Variants in HS3ST4 observed in about 807,000 individuals in gnomAD.
HS3ST4 encodes the protein heparan sulfate-glucosamine 3-sulfotransferase 4.
In HS3ST4, 17 loss-of-function variants were observed where a neutral mutation model predicts 29.2. That is an observed-to-expected ratio of 0.58 (90% CI 0.40 to 0.87). The LOEUF (loss-of-function observed/expected upper bound fraction) is 0.87, where lower values mean the gene tolerates loss of function less well. Among genes scored for constraint, HS3ST4 ranks in the 40% least tolerant of loss-of-function variants. The pLI is 0.00. For missense variants in HS3ST4, 627 were observed against 634.5 expected (o/e 0.99, Z 0.13); for synonymous variants, 314 against 285.7 (o/e 1.10, Z -1.00).
In HS3ST4 at chr16:25,823,671, G is replaced by T. The variant is rs573822057; in HGVS notation, c.734+130520G>T. 3.3e-5 allele frequency among the ~76,000 whole-genome samples: 5 copies of T among 151,992 alleles called. No individual in the cohort carries two copies. In the East Asian group the frequency reaches 5.8e-4, roughly 18 times the overall value. On this transcript the variant is annotated intron_variant, in intron 1 of 1. Coordinates refer to ENST00000331351, the MANE Select transcript of HS3ST4 (RefSeq NM_006040.3). ...CACCTCCCAGGTTCAAGCGATTCTC[G>T]TGCCTCAGCCTCCTGAATACCTGGG...
chr16:25,856,949 G>A (rs1245914056), intron 1 of HS3ST4, among the ~76,000 whole-genome samples: 1 of 152,150 alleles, frequency 6.6e-6, no homozygotes, highest in Non-Finnish European at 1.5e-5. Flanking sequence ...GGGTGGGCAG[G>A]AATGTGGGTA....
At chr16:25,717,843 G>T (rs114036907) in intron 1 of HS3ST4, among the ~76,000 whole-genome samples, 182 of 152,240 alleles carry the variant, frequency 1.2e-3, no homozygotes, top group African/African-American at 4.2e-3. Context: ...GTGGGCAATG[G>T]ATAGGAGGGA....
chr16:25,983,089 G>A (rs948675144), intron 1 of HS3ST4, among the ~76,000 whole-genome samples: 2 of 152,214 alleles, frequency 1.3e-5, no homozygotes, highest in African/African-American at 4.8e-5. Context: ...TTTACTGTGT[G>A]TATGGTGGTA....
chr16:25,929,373 A>C (rs2141686714), intron 1 of HS3ST4, among the ~76,000 whole-genome samples: 1 of 151,296 alleles, frequency 6.6e-6, no homozygotes, highest in South Asian at 2.1e-4. Flanking sequence ...TCAAACAAAC[A>C]AACAAAAACA....
chr16:25,998,821 T>G (rs922186378), intron 1 of HS3ST4, among the ~76,000 whole-genome samples: 1 of 152,194 alleles, frequency 6.6e-6, no homozygotes, highest in Non-Finnish European at 1.5e-5. Flanking sequence ...ATTTGAGAAC[T>G]AGCAAAATGT....
intron 1 of HS3ST4, among the ~76,000 whole-genome samples, chr16:26,117,263 C>T (rs922600951): frequency 6.6e-5 from 10 of 152,148 alleles, no homozygotes; most frequent in Admixed American, 1.3e-4. Flanking sequence ...GGCAGCAAGC[C>T]CCACAACCAT....
chr16:25,767,610 AAC>A, intron 1 of HS3ST4, among the ~76,000 whole-genome samples: 1 of 152,320 alleles, frequency 6.6e-6, no homozygotes. Context: ...GGCCAAGCCA[AAC>A]ACAGGTACAG....
At chr16:25,912,755 C>T (rs1968253452) in intron 1 of HS3ST4, among the ~76,000 whole-genome samples, 1 of 152,182 alleles carries the variant, frequency 6.6e-6, no homozygotes, top group African/African-American at 2.4e-5. Flanking sequence ...TGTGGCTGGC[C>T]TGGAACCAAC....
At chr16:25,751,812 G>A (rs573854363) in intron 1 of HS3ST4, among the ~76,000 whole-genome samples, 3 of 152,160 alleles carry the variant, frequency 2.0e-5, no homozygotes, top group Non-Finnish European at 4.4e-5. Context: ...ACAAGGGTTA[G>A]TTTGCTTGCT....
At chr16:25,977,487 G>A (rs1968955295) in intron 1 of HS3ST4, among the ~76,000 whole-genome samples, 1 of 152,174 alleles carries the variant, frequency 6.6e-6, no homozygotes, top group Admixed American at 6.5e-5. Flanking sequence ...TGCTGAAACA[G>A]TGAATAATAC....
intron 1 of HS3ST4, among the ~76,000 whole-genome samples, chr16:25,706,539 C>G (rs936462664): frequency 2.7e-4 from 41 of 152,108 alleles, no homozygotes; most frequent in African/African-American, 8.9e-4. Context: ...CCTAGCTCCC[C>G]ACCCCCCGAC....
chr16:25,882,150 C>G (rs1026869726), intron 1 of HS3ST4, among the ~76,000 whole-genome samples: 1 of 152,172 alleles, frequency 6.6e-6, no homozygotes, highest in East Asian at 1.9e-4. Context: ...TGAGTGCCTT[C>G]TCTTTCATGT....
intron 1 of HS3ST4, among the ~76,000 whole-genome samples, chr16:26,132,226 T>C (rs1325474246): frequency 1.3e-5 from 2 of 152,146 alleles, no homozygotes; most frequent in African/African-American, 4.8e-5. Flanking sequence ...CTATAACTGA[T>C]TCAGAATCAG....
intron 1 of HS3ST4, among the ~76,000 whole-genome samples, chr16:25,809,132 G>A (rs778628500): frequency 6.6e-6 from 1 of 151,944 alleles, no homozygotes; most frequent in Non-Finnish European, 1.5e-5. Flanking sequence ...GTACTATATT[G>A]AATAAGAGTG....
At chr16:26,080,817 T>A (rs775248341) in intron 1 of HS3ST4, among the ~76,000 whole-genome samples, 1 of 152,134 alleles carries the variant, frequency 6.6e-6, no homozygotes, top group Non-Finnish European at 1.5e-5. Flanking sequence ...CAGATGCCGG[T>A]TGTTGCTACT....
chr16:25,950,023 G>C (rs1968667484), intron 1 of HS3ST4, among the ~76,000 whole-genome samples: 1 of 152,150 alleles, frequency 6.6e-6, no homozygotes, highest in African/African-American at 2.4e-5. Flanking sequence ...CCTTGCAGAA[G>C]GAATGTTCAG....
chr16:25,911,127 A>C (rs1273499106), intron 1 of HS3ST4, among the ~76,000 whole-genome samples: 1 of 152,192 alleles, frequency 6.6e-6, no homozygotes, highest in East Asian at 1.9e-4. Context: ...CAGAGGCCCC[A>C]AAAATTGCAG....
At chr16:25,693,435 G>T (rs1463061119) in intron 1 of HS3ST4, among the ~76,000 whole-genome samples, 1 of 152,192 alleles carries the variant, frequency 6.6e-6, no homozygotes, top group Non-Finnish European at 1.5e-5. Flanking sequence ...CCAGCTCCAA[G>T]CCTGGGAACC....
intron 1 of HS3ST4, among the ~76,000 whole-genome samples, chr16:26,123,735 T>C (rs1052561174): frequency 1.3e-5 from 2 of 152,128 alleles, no homozygotes; most frequent in African/African-American, 2.4e-5. Flanking sequence ...CTTCATAGCT[T>C]AGCTCCCACT....
Sources: gnomAD v4.1 joint callset for allele counts (sites outside exome capture counted in the v4.1 genomes callset) on GRCh38, gnomAD v4.1.1 for gene constraint, MANE v1.5 for transcripts, NCBI Gene and HGNC (gene_info 2026-07-23, HGNC 2026-07-21) for gene names.